Variants in FAAH observed in about 807,000 individuals in gnomAD.
The protein encoded by FAAH is fatty-acid amide hydrolase 1.
In FAAH, 63 loss-of-function variants were observed where a neutral mutation model predicts 69.7. The observed-to-expected ratio is 0.90, with a 90% CI of 0.74 to 1.12. The LOEUF (loss-of-function observed/expected upper bound fraction) is 1.12, where lower values mean the gene tolerates loss of function less well. FAAH is among the 50% of genes most tolerant of loss of function. The pLI is 0.00. For synonymous variants in FAAH, 305 were observed against 324.2 expected (o/e 0.94, Z 0.64); for missense variants, 680 against 755.0 (o/e 0.90, Z 1.16).
At chr1:46,395,393 T>G (rs1183297536) in intron 1 of FAAH, among the ~76,000 whole-genome samples, 1 of 152,156 alleles carries the variant, frequency 6.6e-6, no homozygotes, top group Non-Finnish European at 1.5e-5. Flanking sequence ...CATGAGCAGG[T>G]TTAGTTCCAG....
intron 1 of FAAH, among the ~76,000 whole-genome samples, chr1:46,399,163 C>T (rs896100283): frequency 4.6e-5 from 7 of 152,134 alleles, no homozygotes; most frequent in African/African-American, 1.7e-4. Context: ...TCTTACAACC[C>T]GCTTATCAAT....
At position 46,404,703 on chromosome 1, in the gene FAAH, T is replaced by C. The variant is rs1374958113; in HGVS notation, c.310-311T>C. 6.6e-6 allele frequency among the ~76,000 whole-genome samples: 1 copy of C among 152,138 alleles called. No individual in the cohort carries two copies. Among genetic ancestry groups the C allele is most frequent in the Admixed American group, 6.5e-5 (1 of 15,274 alleles). ...GAGGTGAGGGAGTGGCCAGTGGTCA[T>C]CTTCCTCCCAGCTCACCCCCTACCT... is the stretch of plus-strand genomic sequence containing the variant. On this transcript the variant is annotated intron_variant, in intron 2 of 14. Coordinates refer to ENST00000243167, the MANE Select transcript of FAAH (RefSeq NM_001441.3). The surrounding 1 kb of genome is among the most constrained non-coding windows in gnomAD (Gnocchi z 4.5).
At chr1:46,399,701 T>C (rs1411438886) in intron 1 of FAAH, among the ~76,000 whole-genome samples, 2 of 152,220 alleles carry the variant, frequency 1.3e-5, no homozygotes, top group African/African-American at 4.8e-5. Context: ...AATGAACCTG[T>C]ATTTATATAA....
chr1:46,402,757 A>G (rs1055621580), intron 2 of FAAH, among the ~76,000 whole-genome samples: 1 of 150,764 alleles, frequency 6.6e-6, no homozygotes, highest in African/African-American at 2.4e-5. Flanking sequence ...CAGTGGCATG[A>G]TCTTGGCTCA....
chr1:46,413,093 T>C lies in FAAH; in HGVS notation c.1484T>C (p.Met495Thr). ...GTTCCAGGGGCCGTCAGCTACACTA[T>C]GCTGTACAACTGCCTGGACTTCCCT... ...GRATGAVSYT[M>T]LYNCLDFPAG... is the part of the protein sequence containing the mutation. Residue 495 changes from methionine (M) to threonine (T), a missense_variant, in exon 14 of 15, where the codon ATG becomes ACG. Transcript: ENST00000243167. 1.2e-6 allele frequency: 2 copies of C among 1,614,192 alleles called. No individual in the cohort carries two copies. Among genetic ancestry groups the C allele is most frequent in the Non-Finnish European group, 1.7e-6 (2 of 1,180,018 alleles).
intron 1 of FAAH, among the ~76,000 whole-genome samples, chr1:46,396,712 G>A (rs1306192392): frequency 6.6e-6 from 1 of 152,198 alleles, no homozygotes; most frequent in Non-Finnish European, 1.5e-5. Flanking sequence ...GCATAGGGTT[G>A]GGGCTAGGTT....
At chr1:46,399,132 C>T (rs573609193) in intron 1 of FAAH, among the ~76,000 whole-genome samples, 4 of 152,286 alleles carry the variant, frequency 2.6e-5, no homozygotes, top group African/African-American at 9.6e-5. Flanking sequence ...TTGTTTTACC[C>T]TGAATGGTTT....
intron 2 of FAAH, among the ~76,000 whole-genome samples, chr1:46,403,265 G>A (rs1017979179): frequency 1.3e-5 from 2 of 151,860 alleles, no homozygotes; most frequent in Non-Finnish European, 2.9e-5. Context: ...CGAGTAGCTG[G>A]GATTATAGAC....
chr1:46,410,321 G>T lies in FAAH; in HGVS notation c.1176-77G>T, dbSNP rs1187654289. 5 of 1,108,248 alleles carry T rather than the reference G, an allele frequency of 4.5e-6. No homozygotes were observed. The highest frequency in any genetic ancestry group is 2.5e-5 in the South Asian group (2 of 80,392). 68.7% of individuals were successfully genotyped at this position (1,108,248 alleles called of 1,614,324 possible). A position where few individuals can be genotyped will look rare whatever the true frequency, so the allele number is the denominator to read the frequency against. Reference sequence around the variant, plus strand: ...GACAGGATCCCTGCATAGAGAATGGGATTGCTGTGGGCCGGGCGAGCAAGC... The same window carrying T: ...GACAGGATCCCTGCATAGAGAATGGTATTGCTGTGGGCCGGGCGAGCAAGC... On this transcript the variant is annotated intron_variant, in intron 9 of 14. Transcript: ENST00000243167. The surrounding 1 kb of genome is among the most constrained non-coding windows in gnomAD (Gnocchi z 4.9).
At chr1:46,413,341 T>TG (rs1237064776) in intron 14 of FAAH, 106 bp from the exon 15 acceptor site, 12 of 1,609,444 alleles carry the variant, frequency 7.5e-6, no homozygotes, top group Non-Finnish European at 1.0e-5. Flanking sequence ...TGAAGGACTA[T>TG]GGCCTGGCCC....
Position 46,410,977 on chromosome 1 carries a change from C to A in FAAH, c.1316+123C>A. 3.3e-6 allele frequency: 4 copies of A among 1,203,856 alleles called. No homozygotes were observed. The highest frequency in any genetic ancestry group is 3.7e-5 in the Admixed American group (2 of 53,834). 74.6% of individuals were successfully genotyped at this position (1,203,856 alleles called of 1,614,324 possible). A position where few individuals can be genotyped will look rare whatever the true frequency, so the allele number is the denominator to read the frequency against. On this transcript the variant is annotated intron_variant, in intron 11 of 14. Transcript: ENST00000243167. The surrounding 1 kb of genome is among the most constrained non-coding windows in gnomAD (Gnocchi z 4.9). ...CCTCTGAGGCTGGAAGTGGCCCAGGCAGGGGGGCAACCTTTGTGGCCTTCA... is the reference window on the plus strand; with the variant it reads ...CCTCTGAGGCTGGAAGTGGCCCAGGAAGGGGGGCAACCTTTGTGGCCTTCA...
intron 1 of FAAH, 92 bp downstream of exon 1, chr1:46,394,635 G>T (rs1664564969): frequency 1.8e-6 from 2 of 1,112,326 alleles, no homozygotes; most frequent in East Asian, 6.7e-5. Context: ...CAGGGGATGG[G>T]GCGGGCAGAG....
At chr1:46,396,323 T>C (rs1419111498) in intron 1 of FAAH, among the ~76,000 whole-genome samples, 1 of 152,226 alleles carries the variant, frequency 6.6e-6, no homozygotes, top group Non-Finnish European at 1.5e-5. Flanking sequence ...GGTTTTACAC[T>C]GACACATTCC....
rs768772535 is a variant in FAAH, at chr1:46,410,367, G to A, written c.1176-31G>A. 7 of 1,570,930 alleles carry A rather than the reference G, an allele frequency of 4.5e-6. No individual in the cohort carries two copies. Among genetic ancestry groups the A allele is most frequent in the Non-Finnish European group, 6.1e-6 (7 of 1,140,662 alleles). ...CAAGCTGGGAAGGATGTGGGGATGG[G>A]AGTGCCTGGACCGAGCATTTTGTTT... On this transcript the variant is annotated intron_variant, in intron 9 of 14. Transcript: ENST00000243167. The surrounding 1 kb of genome is among the most constrained non-coding windows in gnomAD (Gnocchi z 4.9).
intron 8 of FAAH, 91 bp from the exon 9 acceptor site, chr1:46,409,010 G>A: frequency 9.4e-7 from 1 of 1,069,288 alleles, no homozygotes. Flanking sequence ...GGCAGGGTTG[G>A]TCCAATCCAT....
At chr1:46,396,304 G>T (rs963119055) in intron 1 of FAAH, among the ~76,000 whole-genome samples, 1 of 152,186 alleles carries the variant, frequency 6.6e-6, no homozygotes, top group Non-Finnish European at 1.5e-5. Flanking sequence ...TAAATAGAAC[G>T]TAGGATCGGG....
At chr1:46,397,930 C>T (rs1203356866) in intron 1 of FAAH, among the ~76,000 whole-genome samples, 2 of 137,644 alleles carry the variant, frequency 1.5e-5, no homozygotes, top group Non-Finnish European at 3.1e-5. Flanking sequence ...TAGTCTTGAA[C>T]TCTTTTTTTT....
rs780159095 is a variant in FAAH, at chr1:46,411,658, C to G, written c.1356+7C>G. The G allele has an allele frequency of 6.2e-6, 10 of 1,613,860 alleles. No homozygotes were observed. In the African/African-American group the frequency reaches 1.2e-4, roughly 19 times the overall value. On this transcript the variant is annotated splice_region_variant and intron_variant, in intron 12 of 14. Transcript: ENST00000243167. The surrounding 1 kb of genome is among the most constrained non-coding windows in gnomAD (Gnocchi z 4.8). ...ACTGCAGCACGAGATCGAGGTGAGG[C>G]CAGAGCCTCTGGATTGGAGCAGGGT...
rs1389701276 is a variant in FAAH at position 46,405,382 on chromosome 1, C to T, written c.455C>T (p.Ser152Phe). Residue 152 changes from serine to phenylalanine, a missense_variant, in exon 4 of 15, where the codon TCC (serine) becomes TTC (phenylalanine). Ser to Phe is a radical substitution (Grantham distance 155, BLOSUM62 -2). Transcript: ENST00000243167. The surrounding 1 kb of genome is among the most constrained non-coding windows in gnomAD (Gnocchi z 4.1). The part of the protein sequence containing the change: ...KECFTYKGQD[S>F]TLGLSLNEGV... ...CATCCCTCCTCCCAGGGCCAGGACT[C>T]CACGCTGGGCTTGAGCCTGAATGAA... 1 of 1,611,198 alleles carries T rather than the reference C, an allele frequency of 6.2e-7. No homozygotes were observed. Among genetic ancestry groups the T allele is most frequent in the South Asian group, 1.1e-5 (1 of 91,080 alleles).
Sources: allele counts gnomAD v4.1 joint callset (sites outside exome capture counted in the v4.1 genomes callset), GRCh38; gene constraint gnomAD v4.1.1; non-coding constraint Gnocchi (gnomAD v3.1); transcripts MANE v1.5; gene names NCBI Gene and HGNC (gene_info 2026-07-23, HGNC 2026-07-21).